Variants in AKAP11 observed in about 807,000 individuals in gnomAD.
AKAP11 encodes A-kinase anchor protein 11.
Under a neutral mutation model 146.1 loss-of-function variants are expected in AKAP11, and 36 were observed. The observed-to-expected ratio is 0.25, with a 90% CI of 0.19 to 0.33. The LOEUF is 0.33. Ranked by LOEUF, AKAP11 falls within the 10% of genes least tolerant of loss-of-function variation. The probability of loss-of-function intolerance (pLI) is 1.00; values close to 1 mark genes in which losing one functional copy is unlikely to be tolerated. For missense variants in AKAP11, 2,201 were observed against 2,197.0 expected (o/e 1.00, Z -0.04); for synonymous variants, 780 against 786.5 (o/e 0.99, Z 0.14).
In AKAP11 at chr13:42,299,454, C is replaced by T. The variant is rs1959718173; in HGVS notation, c.708C>T (p.Leu236=). ...HHLETHDLKI[L]ISSGQQKSLA... ...TAGAAACCCATGATTTAAAGATTCT[C>T]ATTAGCTCTGGACAGCAGAAGTCAT... Residue 236 remains leucine, a synonymous_variant, in exon 8 of 13, where the codon CTC becomes CTT. Transcript: ENST00000025301. 1.2e-6 allele frequency: 2 copies of T among 1,613,752 alleles called. No homozygotes were observed. The highest frequency in any genetic ancestry group is 1.7e-6 in the Non-Finnish European group (2 of 1,179,830).
At chr13:42,312,457 G>A (rs553130659) in intron 9 of AKAP11, among the ~76,000 whole-genome samples, 1 of 152,120 alleles carries the variant, frequency 6.6e-6, no homozygotes, top group African/African-American at 2.4e-5. Context: ...GCCATCTACT[G>A]AATTATACAT....
Position 42,308,600 on chromosome 13 carries a change from T to C in AKAP11, c.5264T>C (p.Leu1755Pro). Reference sequence around the variant, plus strand: ...GATGAAAGCAGCAGTTTTCATCATCTAAGTGAAAGGTAACTACACTTTTGC... The same window carrying C: ...GATGAAAGCAGCAGTTTTCATCATCCAAGTGAAAGGTAACTACACTTTTGC... ...HQDESSSFHH[L>P]SESNGNSSSW... The change falls in exon 9 of 13, where the codon CTA (leucine) becomes CCA (proline). Residue 1755 changes from leucine to proline, a missense_variant. This residue lies in a region of AKAP11 where 1,867 missense variants were observed against 1,833.5 expected (regional missense o/e 1.02). Transcript: ENST00000025301. 1 of 1,612,020 alleles carries C rather than the reference T, an allele frequency of 6.2e-7. No individual in the cohort carries two copies. The highest frequency in any genetic ancestry group is 8.5e-7 in the Non-Finnish European group (1 of 1,178,726).
At chr13:42,315,739 T>C (rs879427021) in intron 11 of AKAP11, among the ~76,000 whole-genome samples, 10 of 152,226 alleles carry the variant, frequency 6.6e-5, no homozygotes, top group Non-Finnish European at 1.5e-4. Context: ...TATTTCTCAT[T>C]ATATAGAAAG....
At chr13:42,273,955 CTT>C (rs1010104761) in intron 1 of AKAP11, among the ~76,000 whole-genome samples, 1 of 152,164 alleles carries the variant, frequency 6.6e-6, no homozygotes. Flanking sequence ...GAAAATATCT[CTT>C]TGTGAATGGG....
chr13:42,314,402 G>A (rs1277544837), intron 11 of AKAP11, among the ~76,000 whole-genome samples: 2 of 145,658 alleles, frequency 1.4e-5, no homozygotes, highest in African/African-American at 5.1e-5. Context: ...CCGAGATCAT[G>A]CCACTGCACT....
intron 4 of AKAP11, among the ~76,000 whole-genome samples, chr13:42,293,267 AAT>A (rs1241291752): frequency 6.6e-6 from 1 of 152,210 alleles, no homozygotes; most frequent in African/African-American, 2.4e-5. Flanking sequence ...TTTCATCAAA[AAT>A]ATTCTAAGTT....
In AKAP11 at chr13:42,321,044, T is replaced by C. The variant is rs1961066706; in HGVS notation, c.*1816T>C. 1 of 152,372 alleles carries C rather than the reference T, an allele frequency of 6.6e-6. No homozygotes were observed. Among genetic ancestry groups the C allele is most frequent in the Non-Finnish European group, 1.5e-5 (1 of 68,038 alleles). 9.4% of individuals were successfully genotyped at this position (152,372 alleles called of 1,614,324 possible). The stretch of plus-strand genomic sequence containing the variant: ...CCAGAATTGTTCCTGCCTTTAGCTT[T>C]TCAGAACTTGAGATGTGGCAGCACT... On this transcript the variant is annotated 3_prime_UTR_variant, in exon 13 of 13. Transcript: ENST00000025301.
At chr13:42,282,377 G>T (rs1298376436) in intron 1 of AKAP11, among the ~76,000 whole-genome samples, 2 of 150,282 alleles carry the variant, frequency 1.3e-5, no homozygotes, top group Non-Finnish European at 2.9e-5. Context: ...CAATAGCTGA[G>T]TAATAATCAT....
In AKAP11 at chr13:42,322,501, T is replaced by C. The variant is rs758173127; in HGVS notation, c.*3273T>C. 3 of 152,296 alleles carry C rather than the reference T, an allele frequency of 2.0e-5. No homozygotes were observed. Among genetic ancestry groups the C allele is most frequent in the Non-Finnish European group, 4.4e-5 (3 of 67,982 alleles). The allele number at this position is 152,296 out of a possible 1,614,324, so 9.4% of individuals were successfully genotyped here. A position where few individuals can be genotyped will look rare whatever the true frequency, so the allele number is the denominator to read the frequency against. On this transcript the variant is annotated 3_prime_UTR_variant, in exon 13 of 13. Coordinates refer to ENST00000025301, the MANE Select transcript of AKAP11 (RefSeq NM_016248.4). ...CATCAGTATATCACTTTAAATTTTA[T>C]GTTTTTCTAAGGAAACTTTCCACAG...
Position 42,319,562 on chromosome 13 carries a change from A to G in AKAP11, c.*334A>G, listed in dbSNP as rs1203830651. The G allele has an allele frequency of 5.3e-6, 1 of 187,146 alleles. No homozygotes were observed. The highest frequency in any genetic ancestry group is 2.3e-5 in the African/African-American group (1 of 42,652). The allele number at this position is 187,146 out of a possible 1,614,324, so 11.6% of individuals were successfully genotyped here. A position where few individuals can be genotyped will look rare whatever the true frequency, so the allele number is the denominator to read the frequency against. On this transcript the variant is annotated 3_prime_UTR_variant, in exon 13 of 13. Coordinates refer to ENST00000025301, the MANE Select transcript of AKAP11 (RefSeq NM_016248.4). ...TTGTATCCAAATAGTGCTGCTAGAA[A>G]CTGCACTGAAGTGGCTGAGGATAGG...
At chr13:42,281,212 T>G (rs1034258687) in intron 1 of AKAP11, among the ~76,000 whole-genome samples, 2 of 152,180 alleles carry the variant, frequency 1.3e-5, no homozygotes, top group African/African-American at 4.8e-5. Flanking sequence ...AGTATTTGAG[T>G]AACAAGTTAT....
In AKAP11 at chr13:42,302,774, A is replaced by T; in HGVS notation, c.4028A>T (p.Asp1343Val). Residue 1343 changes from aspartate to valine, a missense_variant, in exon 8 of 13, where the codon GAT becomes GTT. Coordinates refer to ENST00000025301, the MANE Select transcript of AKAP11 (RefSeq NM_016248.4). Reference protein sequence around the residue: ...YKYPSCESVTDEYAGHLIQIL... With the variant: ...YKYPSCESVTVEYAGHLIQIL... ...TATCCCAGCTGTGAAAGTGTGACAG[A>T]TGAATATGCAGGTCACCTTATTCAG... The T allele has an allele frequency of 6.2e-7, 1 of 1,614,176 alleles. No homozygotes were observed. Among genetic ancestry groups the T allele is most frequent in the Non-Finnish European group, 8.5e-7 (1 of 1,180,042 alleles).
At position 42,319,192 on chromosome 13, in the gene AKAP11, C is replaced by T; in HGVS notation, c.5670C>T (p.Cys1890=). Residue 1890 remains cysteine (C), a synonymous_variant, in exon 13 of 13, where the codon TGC becomes TGT. Coordinates refer to ENST00000025301, the MANE Select transcript of AKAP11 (RefSeq NM_016248.4). ...VMEKASSEER[C]KSLFDWLLEN... ...AAAAAGCTTCCAGTGAGGAGAGATG[C>T]AAGTCGCTGTTTGATTGGCTCTTGG... 6.2e-7 allele frequency: 1 copy of T among 1,613,948 alleles called. No homozygotes were observed. The highest frequency in any genetic ancestry group is 8.5e-7 in the Non-Finnish European group (1 of 1,179,924).
chr13:42,306,593 TACTG>T (rs1251660189), intron 8 of AKAP11, among the ~76,000 whole-genome samples: 1 of 152,230 alleles, frequency 6.6e-6, no homozygotes, highest in East Asian at 1.9e-4. Flanking sequence ...GTTCTGTAAA[TACTG>T]ACTAAGGAAA....
chr13:42,288,536 T>A (rs1438456557), intron 3 of AKAP11, among the ~76,000 whole-genome samples: 1 of 152,178 alleles, frequency 6.6e-6, no homozygotes, highest in Non-Finnish European at 1.5e-5. Flanking sequence ...ACTAATACCA[T>A]GAACACATCC....
chr13:42,311,174 C>A (rs1346337933), intron 9 of AKAP11, among the ~76,000 whole-genome samples: 1 of 152,120 alleles, frequency 6.6e-6, no homozygotes, highest in Non-Finnish European at 1.5e-5. Context: ...TGGCTAAAAG[C>A]TGCAATAAAG....
chr13:42,298,486 T>G (rs764247486), intron 6 of AKAP11, 47 bp from the exon 7 acceptor site: 1 of 1,580,976 alleles, frequency 6.3e-7, no homozygotes, highest in Non-Finnish European at 8.6e-7. Context: ...CATGTTGTTT[T>G]GTATTTGAAA....
At chr13:42,308,396 A>G (rs1178120595) in intron 8 of AKAP11, 58 bp from the exon 9 acceptor site, 13 of 1,403,442 alleles carry the variant, frequency 9.3e-6, no homozygotes, top group Non-Finnish European at 1.2e-5. Context: ...ATAGTCTTGT[A>G]AGTTCAGAAT....
intron 3 of AKAP11, among the ~76,000 whole-genome samples, chr13:42,291,943 A>G (rs1328196344): frequency 6.6e-6 from 1 of 152,170 alleles, no homozygotes; most frequent in Non-Finnish European, 1.5e-5. Flanking sequence ...TCTGTCTCCA[A>G]CTTTGTTAAT....
Sources: allele counts gnomAD v4.1 joint callset (sites outside exome capture counted in the v4.1 genomes callset), GRCh38; gene constraint gnomAD v4.1.1; regional missense constraint gnomAD v4.1.1; transcripts MANE v1.5; gene names NCBI Gene and HGNC (gene_info 2026-07-23, HGNC 2026-07-21).